The following SGCG variants were observed in gnomAD, a reference collection of about 807,000 sequenced individuals.
SGCG encodes the protein gamma-sarcoglycan.
Under a neutral mutation model 29.3 loss-of-function variants are expected in SGCG, and 26 were observed. That is an observed-to-expected ratio of 0.89 (90% CI 0.65 to 1.23). SGCG has a LOEUF of 1.23. Among genes scored for constraint, SGCG ranks in the 50% most tolerant of loss-of-function variants. SGCG has a pLI of 0.00. For synonymous variants in SGCG, 145 were observed against 129.7 expected (o/e 1.12, Z -0.80); for missense variants, 353 against 356.0 (o/e 0.99, Z 0.07).
the SGCG span, among the ~76,000 whole-genome samples, chr13:23,174,237 G>A: frequency 6.6e-6 from 1 of 152,158 alleles, no homozygotes; most frequent in Non-Finnish European, 1.5e-5. Context: ...AGCTGTGGGA[G>A]CCTCAACCTG....
the SGCG span, among the ~76,000 whole-genome samples, chr13:23,172,161 A>G: frequency 6.6e-6 from 1 of 152,128 alleles, no homozygotes; most frequent in African/African-American, 2.4e-5. Context: ...GCGTGATTTC[A>G]TGTCTGTATT....
intron 4 of SGCG, among the ~76,000 whole-genome samples, chr13:23,269,868 T>TG (rs1880795719): frequency 1.0e-5 from 1 of 100,092 alleles, no homozygotes; most frequent in Non-Finnish European, 2.6e-5. Context: ...TTTTTTTGTT[T>TG]TTTTTGTTTT....
chr13:23,259,491 C>T (rs1198376470), intron 4 of SGCG, among the ~76,000 whole-genome samples: 5 of 152,000 alleles, frequency 3.3e-5, no homozygotes, highest in African/African-American at 1.2e-4. Context: ...TTCAAAAAAA[C>T]CAGCTCCTAG....
At chr13:23,319,825 T>C (rs536467039) in intron 6 of SGCG, among the ~76,000 whole-genome samples, 3 of 152,300 alleles carry the variant, frequency 2.0e-5, no homozygotes, top group South Asian at 2.1e-4. Context: ...CATTGTGCCA[T>C]CTGGTGGAAA....
intron 2 of SGCG, among the ~76,000 whole-genome samples, chr13:23,222,031 A>G (rs1233583297): frequency 3.3e-5 from 5 of 152,240 alleles, no homozygotes; most frequent in Admixed American, 1.3e-4. Flanking sequence ...TTGAGTATCT[A>G]TCATGTATTA....
chr13:23,299,433 TATATA>T (rs1882043719), intron 6 of SGCG, among the ~76,000 whole-genome samples: 11 of 30,762 alleles, frequency 3.6e-4, no homozygotes, highest in African/African-American at 4.2e-4. Flanking sequence ...TATATATATA[TATATA>T]TATATATATA....
chr13:23,235,095 G>A (rs1383011627), intron 3 of SGCG, among the ~76,000 whole-genome samples: 18 of 152,160 alleles, frequency 1.2e-4, no homozygotes, highest in Admixed American at 8.5e-4. Flanking sequence ...TCAGCTGGGC[G>A]CGGTGGCTCA....
intron 2 of SGCG, among the ~76,000 whole-genome samples, chr13:23,217,050 G>C (rs200507060): frequency 6.6e-6 from 1 of 150,618 alleles, no homozygotes; most frequent in Non-Finnish European, 1.5e-5. Flanking sequence ...TAGAATGTGG[G>C]AAGTACCACC....
intron 2 of SGCG, among the ~76,000 whole-genome samples, chr13:23,228,523 C>T (rs556647258): frequency 6.6e-6 from 1 of 152,144 alleles, no homozygotes; most frequent in South Asian, 2.1e-4. Context: ...ATGACTTGGG[C>T]ATTTGGTTTA....
chr13:23,230,352 C>T (rs544821782), intron 2 of SGCG, among the ~76,000 whole-genome samples: 2 of 152,192 alleles, frequency 1.3e-5, no homozygotes, highest in Non-Finnish European at 2.9e-5. Flanking sequence ...GGAATAACAT[C>T]GAATCTGTAA....
rs546679070 is a variant in SGCG, at chr13:23,287,100, G to C, written c.505+7622G>C. ...CCCTGTATATTTCCTTCTCCTTTCA[G>C]TGTGGATGGAATCTGTAAATATGAG... is the stretch of plus-strand genomic sequence containing the variant. On this transcript the variant is annotated intron_variant, in intron 5 of 7. Transcript: ENST00000218867. Among the ~76,000 whole-genome samples, 11 of 152,318 alleles carry C rather than the reference G, an allele frequency of 7.2e-5. No individual in the cohort carries two copies. The South Asian group carries it at 2.3e-3, about 32-fold the overall frequency.
In SGCG at chr13:23,234,595, T is replaced by A; in HGVS notation, c.196-16T>A. ...CAATAAAAATATACGCATTGTCTCT[T>A]TTTTTTTTTTAACAGGCAGGAATGG... On this transcript the variant is annotated splice_polypyrimidine_tract_variant and intron_variant, in intron 2 of 7. Transcript: ENST00000218867. The A allele has an allele frequency of 7.5e-7, 1 of 1,335,118 alleles. No individual in the cohort carries two copies. Among genetic ancestry groups the A allele is most frequent in the Non-Finnish European group, 1.0e-6 (1 of 965,448 alleles). 82.7% of individuals were successfully genotyped at this position (1,335,118 alleles called of 1,614,324 possible).
At chr13:23,234,328 T>TA (rs545726788) in intron 2 of SGCG, among the ~76,000 whole-genome samples, 24 of 149,636 alleles carry the variant, frequency 1.6e-4, no homozygotes, top group Admixed American at 9.3e-4. Context: ...TAATTTTTTT[T>TA]AAAAAAATGG....
intron 2 of SGCG, among the ~76,000 whole-genome samples, chr13:23,217,734 T>C (rs1878488570): frequency 6.6e-6 from 1 of 151,886 alleles, no homozygotes; most frequent in African/African-American, 2.4e-5. Context: ...CAAATACAGG[T>C]ACACTTCAAC....
chr13:23,185,636 C>A (rs1045379885), intron 1 of SGCG, among the ~76,000 whole-genome samples: 1 of 152,180 alleles, frequency 6.6e-6, no homozygotes, highest in African/African-American at 2.4e-5. Flanking sequence ...ACAGCAAAGG[C>A]GGCAAAGTGG....
chr13:23,166,441 G>A, the SGCG span, among the ~76,000 whole-genome samples: 105 of 152,146 alleles, frequency 6.9e-4, 1 homozygote, highest in African/African-American at 2.2e-3. Context: ...TGATCTGCCC[G>A]CCCCAGCCTC....
chr13:23,276,999 AT>A (rs1593214378), intron 4 of SGCG, among the ~76,000 whole-genome samples: 1 of 152,188 alleles, frequency 6.6e-6, no homozygotes, highest in East Asian at 1.9e-4. Flanking sequence ...CATGCAATAG[AT>A]TTGTATTGAA....
chr13:23,193,401 C>T (rs1877357115), intron 1 of SGCG, among the ~76,000 whole-genome samples: 2 of 151,900 alleles, frequency 1.3e-5, no homozygotes, highest in Admixed American at 1.3e-4. Context: ...TGGAGGAGAC[C>T]CTGAAGAGGC....
At chr13:23,286,588 A>G (rs1481818235) in intron 5 of SGCG, among the ~76,000 whole-genome samples, 1 of 152,256 alleles carries the variant, frequency 6.6e-6, no homozygotes, top group African/African-American at 2.4e-5. Context: ...ACTAAACCCT[A>G]TATATGCTGC....
Sources: allele counts gnomAD v4.1 joint callset (sites outside exome capture counted in the v4.1 genomes callset), GRCh38; gene constraint gnomAD v4.1.1; transcripts MANE v1.5; gene names NCBI Gene and HGNC (gene_info 2026-07-23, HGNC 2026-07-21).